CBFA2T2: variants seen among roughly 807,000 people sequenced by gnomAD.
CBFA2T2 encodes CBFA2/RUNX1 partner transcriptional co-repressor 2, also known as protein CBFA2T2.
A neutral mutation model predicts 62.2 loss-of-function variants in CBFA2T2; 11 were observed. The ratio of observed to expected loss-of-function variants is 0.18; its 90% CI spans 0.11 to 0.29. The LOEUF (loss-of-function observed/expected upper bound fraction) is 0.29, where lower values mean the gene tolerates loss of function less well. Ranked by LOEUF, CBFA2T2 falls within the 10% of genes least tolerant of loss-of-function variation. The pLI, the probability that CBFA2T2 is intolerant of heterozygous loss-of-function variation, is 1.00. For synonymous variants in CBFA2T2, 295 were observed against 287.5 expected (o/e 1.03, Z -0.27); for missense variants, 592 against 774.1 (o/e 0.76, Z 2.79).
At chr20:33,579,693 C>T (rs1230092578) in intron 1 of CBFA2T2, among the ~76,000 whole-genome samples, 1 of 151,768 alleles carries the variant, frequency 6.6e-6, no homozygotes, top group Non-Finnish European at 1.5e-5. Context: ...TTGAAACTCA[C>T]TTTGTGTTTG....
intron 1 of CBFA2T2, among the ~76,000 whole-genome samples, chr20:33,541,039 T>C (rs943702586): frequency 3.9e-5 from 6 of 152,232 alleles, no homozygotes; most frequent in African/African-American, 1.4e-4. Flanking sequence ...TAAGATGCAC[T>C]GTGGGACGCT....
intron 2 of CBFA2T2, among the ~76,000 whole-genome samples, chr20:33,607,866 A>G (rs1471029774): frequency 6.6e-6 from 1 of 152,260 alleles, no homozygotes; most frequent in African/African-American, 2.4e-5. Flanking sequence ...AATTCAGTCC[A>G]TAACCATTAT....
At chr20:33,544,730 A>G (rs892023422) in intron 1 of CBFA2T2, among the ~76,000 whole-genome samples, 8 of 151,796 alleles carry the variant, frequency 5.3e-5, no homozygotes, top group Non-Finnish European at 7.4e-5. Context: ...TATTTTTAGT[A>G]GAGATGGGGT....
At chr20:33,551,626 G>A (rs1378066167) in intron 1 of CBFA2T2, among the ~76,000 whole-genome samples, 2 of 152,054 alleles carry the variant, frequency 1.3e-5, no homozygotes, top group Non-Finnish European at 2.9e-5. Context: ...CACTTCCTGG[G>A]TTAAAGCAAT....
intron 1 of CBFA2T2, among the ~76,000 whole-genome samples, chr20:33,515,350 CAA>C (rs11371940): frequency 3.7e-5 from 3 of 82,018 alleles, no homozygotes; most frequent in African/African-American, 4.8e-5. Flanking sequence ...GACTCCATCT[CAA>C]AAAAAAAAAA....
At chr20:33,509,429 C>T (rs2011468741) in intron 1 of CBFA2T2, among the ~76,000 whole-genome samples, 3 of 151,988 alleles carry the variant, frequency 2.0e-5, no homozygotes, top group African/African-American at 7.2e-5. Flanking sequence ...AGGGGGAAAA[C>T]AAGGCTTCAG....
rs150030758 is a variant in CBFA2T2 at position 33,624,853 on chromosome 20, G to A, written c.782G>A (p.Ser261Asn). Residue 261 changes from serine (S) to asparagine (N), a missense_variant, in exon 6 of 11, where the codon AGT becomes AAT. Physicochemically the swap from Ser to Asn is conservative, Grantham distance 46. Coordinates refer to ENST00000342704, the MANE Select transcript of CBFA2T2 (RefSeq NM_001032999.3). Reference protein sequence around the residue: ...VCTISPAPRHSPALTVPLMNP... With the variant: ...VCTISPAPRHNPALTVPLMNP... ...ACCATCAGCCCTGCTCCTCGGCACA[G>A]TCCTGCTCTCACTGTGCCCCTCATG... 3.1e-6 allele frequency: 5 copies of A among 1,614,050 alleles called. No individual in the cohort carries two copies. Among genetic ancestry groups the A allele is most frequent in the African/African-American group, 2.7e-5 (2 of 74,908 alleles).
chr20:33,648,343 G>C lies in CBFA2T2; in HGVS notation c.*3697G>C, dbSNP rs562780517. ...ACACTGATGAGTTGTGGGACATTAT[G>C]GTCGGCCAAGTGAGGAATGATTGCA... On this transcript the variant is annotated 3_prime_UTR_variant, in exon 11 of 11. Coordinates refer to ENST00000342704, the MANE Select transcript of CBFA2T2 (RefSeq NM_001032999.3). The C allele has an allele frequency of 6.6e-6, 1 of 152,394 alleles. No homozygotes were observed. The allele number at this position is 152,394 out of a possible 1,614,324, so 9.4% of individuals were successfully genotyped here.
At chr20:33,573,874 G>A (rs2013689443) in intron 1 of CBFA2T2, 1 of 252,208 alleles carries the variant, frequency 4.0e-6, no homozygotes, top group Admixed American at 5.1e-5. Context: ...TTGACTTCAT[G>A]GGCTCAGGTA....
intron 1 of CBFA2T2, among the ~76,000 whole-genome samples, chr20:33,570,177 A>C (rs543464044): frequency 1.3e-5 from 2 of 152,376 alleles, no homozygotes; most frequent in South Asian, 4.1e-4. Context: ...GCTACTGGGG[A>C]GGCTGAGGCA....
intron 1 of CBFA2T2, 68 bp downstream of exon 1, chr20:33,490,369 G>A: frequency 1.6e-6 from 2 of 1,226,172 alleles, no homozygotes; most frequent in East Asian, 3.1e-5. Flanking sequence ...CAGGCGCGGT[G>A]ATTCCGAGTG....
At chr20:33,497,274 CAAA>C (rs34528525) in intron 1 of CBFA2T2, among the ~76,000 whole-genome samples, 3 of 58,080 alleles carry the variant, frequency 5.2e-5, no homozygotes, top group East Asian at 5.9e-4. Flanking sequence ...ACCCTGTCTC[CAAA>C]AAAAAAAAAA....
chr20:33,530,880 A>AGT (rs2146869499), intron 1 of CBFA2T2, among the ~76,000 whole-genome samples: 1 of 152,256 alleles, frequency 6.6e-6, no homozygotes, highest in South Asian at 2.1e-4. Context: ...CAGGAGTTTG[A>AGT]GATCAGCTTC....
intron 1 of CBFA2T2, among the ~76,000 whole-genome samples, chr20:33,602,733 C>T (rs2015186460): frequency 6.6e-6 from 1 of 152,144 alleles, no homozygotes; most frequent in Admixed American, 6.5e-5. Context: ...TGTCAGCAAC[C>T]TCAGCATAGG....
At position 33,552,934 on chromosome 20, in the gene CBFA2T2, T is replaced by C. The variant is rs550158276; in HGVS notation, c.35-54022T>C. Among the ~76,000 whole-genome samples the C allele has an allele frequency of 1.5e-3, 231 of 152,332 alleles. 1 individual carries two copies. The highest frequency in any genetic ancestry group is 5.3e-3 in the African/African-American group (222 of 41,580). ...CCCCCTTTTTAACCTGATCTACTTC[T>C]CCTCTGTCAAATTTCATTTCATCAG... On this transcript the variant is annotated intron_variant, in intron 1 of 10. Transcript: ENST00000342704.
chr20:33,546,756 A>G (rs1029596147), intron 1 of CBFA2T2, among the ~76,000 whole-genome samples: 13 of 151,908 alleles, frequency 8.6e-5, no homozygotes, highest in African/African-American at 3.1e-4. Context: ...CAGCTTCCTA[A>G]AGTGTTGGGA....
chr20:33,494,889 C>T (rs949194821), intron 1 of CBFA2T2, among the ~76,000 whole-genome samples: 7 of 152,094 alleles, frequency 4.6e-5, no homozygotes, highest in Non-Finnish European at 8.8e-5. Flanking sequence ...TGAGCCACCA[C>T]GCCTGTCCTA....
intron 4 of CBFA2T2, among the ~76,000 whole-genome samples, chr20:33,621,330 G>T (rs1332491080): frequency 1.2e-5 from 1 of 81,232 alleles, no homozygotes; most frequent in Non-Finnish European, 2.3e-5. Flanking sequence ...ACAAAATCTC[G>T]CCCTGTTGCC....
intron 1 of CBFA2T2, among the ~76,000 whole-genome samples, chr20:33,593,420 G>T (rs1461149705): frequency 1.7e-5 from 2 of 116,086 alleles, no homozygotes; most frequent in Non-Finnish European, 3.4e-5. Flanking sequence ...TTTTGAGACA[G>T]AGTCTCACTG....
Sources: gnomAD v4.1 joint callset for allele counts (sites outside exome capture counted in the v4.1 genomes callset) on GRCh38, gnomAD v4.1.1 for gene constraint, MANE v1.5 for transcripts, NCBI Gene and HGNC (gene_info 2026-07-23, HGNC 2026-07-21) for gene names.